Variants in PRKAR2B observed in about 807,000 individuals in gnomAD.
PRKAR2B encodes cAMP-dependent protein kinase type II-beta regulatory subunit.
In PRKAR2B, 14 loss-of-function variants were observed where a neutral mutation model predicts 49.9. The observed-to-expected ratio is 0.28, with a 90% CI of 0.19 to 0.44. The LOEUF (loss-of-function observed/expected upper bound fraction) is 0.44, where lower values mean the gene tolerates loss of function less well. PRKAR2B is among the 20% of genes least tolerant of loss of function. The probability of loss-of-function intolerance (pLI) is 1.00; values close to 1 mark genes in which losing one functional copy is unlikely to be tolerated. For missense variants in PRKAR2B, 393 were observed against 537.9 expected (o/e 0.73, Z 2.67); for synonymous variants, 196 against 197.7 (o/e 0.99, Z 0.07).
chr7:107,082,210 A>C (rs1794527255), intron 2 of PRKAR2B: 1 of 152,078 alleles, frequency 6.6e-6, no homozygotes, highest in Non-Finnish European at 1.5e-5. Flanking sequence ...GGATCTCAAA[A>C]TTTTCTTTTT....
intron 3 of PRKAR2B, among the ~76,000 whole-genome samples, chr7:107,125,621 C>T (rs1045427832): frequency 2.0e-5 from 3 of 152,108 alleles, no homozygotes; most frequent in East Asian, 1.9e-4. Context: ...AGACCACACC[C>T]GCTTTCTGGC....
chr7:107,098,506 C>T (rs909915346), intron 2 of PRKAR2B, among the ~76,000 whole-genome samples: 4 of 152,218 alleles, frequency 2.6e-5, no homozygotes, highest in Non-Finnish European at 4.4e-5. Flanking sequence ...CTGAAGCCGC[C>T]TTCTCTCAAC....
At chr7:107,151,440 G>T (rs1236640093) in intron 7 of PRKAR2B, among the ~76,000 whole-genome samples, 1 of 152,154 alleles carries the variant, frequency 6.6e-6, no homozygotes, top group Non-Finnish European at 1.5e-5. Context: ...TGGCATTCCA[G>T]GCCTCTGTCC....
intron 8 of PRKAR2B, among the ~76,000 whole-genome samples, chr7:107,155,911 G>A (rs1055223103): frequency 6.6e-6 from 1 of 152,160 alleles, no homozygotes; most frequent in African/African-American, 2.4e-5. Flanking sequence ...ATATACCATG[G>A]AGTACTATGC....
rs1794646479 is a variant in PRKAR2B, at chr7:107,087,614, G to A, written c.343+17298G>A. On this transcript the variant is annotated intron_variant, in intron 2 of 10. Coordinates refer to ENST00000265717, the MANE Select transcript of PRKAR2B (RefSeq NM_002736.3). ...AAGTCCTTTCCCAAGCTTACACAGTGACTGATGGGCAGAGACTGGATTCAA... is the reference window on the plus strand; with the variant it reads ...AAGTCCTTTCCCAAGCTTACACAGTAACTGATGGGCAGAGACTGGATTCAA... 2.0e-5 allele frequency among the ~76,000 whole-genome samples: 3 copies of A among 152,132 alleles called. No homozygotes were observed. In the South Asian group the frequency reaches 6.2e-4, roughly 32 times the overall value.
chr7:107,156,745 G>T (rs1295769517), intron 8 of PRKAR2B, among the ~76,000 whole-genome samples: 1 of 151,804 alleles, frequency 6.6e-6, no homozygotes, highest in African/African-American at 2.4e-5. Flanking sequence ...GGTGGAGCTT[G>T]TAGTGAGCCG....
intron 2 of PRKAR2B, among the ~76,000 whole-genome samples, chr7:107,093,967 AAC>A (rs1794786635): frequency 6.6e-6 from 1 of 152,148 alleles, no homozygotes; most frequent in East Asian, 1.9e-4. Context: ...TGCCGCAATA[AAC>A]ATACGTGTGC....
chr7:107,099,190 G>A (rs1794907268), intron 2 of PRKAR2B, among the ~76,000 whole-genome samples: 1 of 152,182 alleles, frequency 6.6e-6, no homozygotes, highest in Non-Finnish European at 1.5e-5. Context: ...AGGCTGCTTT[G>A]TTTACCTACT....
At chr7:107,099,897 G>A (rs1794925814) in intron 2 of PRKAR2B, among the ~76,000 whole-genome samples, 3 of 152,164 alleles carry the variant, frequency 2.0e-5, no homozygotes, top group Non-Finnish European at 4.4e-5. Flanking sequence ...GCCTCCGTAA[G>A]TGTTGGGATT....
chr7:107,082,319 C>T (rs928372046), intron 2 of PRKAR2B, among the ~76,000 whole-genome samples: 1 of 152,048 alleles, frequency 6.6e-6, no homozygotes, highest in African/African-American at 2.4e-5. Flanking sequence ...GATATTGCTT[C>T]TTACTTGCTT....
intron 6 of PRKAR2B, 44 bp from the exon 7 acceptor site, chr7:107,150,877 AG>A (rs1232130754): frequency 6.3e-6 from 6 of 956,812 alleles, no homozygotes; most frequent in Non-Finnish European, 9.6e-6. Context: ...CTATTTGTAT[AG>A]CTTTACCCCC....
rs770684359 is a variant in PRKAR2B at position 107,160,024 on chromosome 7, A to C, written c.*442A>C. The C allele has an allele frequency of 6.5e-6, 1 of 153,678 alleles. No individual in the cohort carries two copies. Among genetic ancestry groups the C allele is most frequent in the Non-Finnish European group, 1.5e-5 (1 of 68,854 alleles). The allele number at this position is 153,678 out of a possible 1,614,324, so 9.5% of individuals were successfully genotyped here. ...ATGGCATCACTTTTTTTTATAACTC[A>C]TTAAACACAGTAAAATTTTAATCAT... is the stretch of plus-strand genomic sequence containing the variant. On this transcript the variant is annotated 3_prime_UTR_variant, in exon 11 of 11. Coordinates refer to ENST00000265717, the MANE Select transcript of PRKAR2B (RefSeq NM_002736.3).
chr7:107,048,655 G>T (rs1317250935), intron 1 of PRKAR2B, among the ~76,000 whole-genome samples: 1 of 152,170 alleles, frequency 6.6e-6, no homozygotes, highest in East Asian at 1.9e-4. Context: ...TCTGGCCAGG[G>T]GTCGGTGATT....
chr7:107,100,130 A>C (rs954828524), intron 2 of PRKAR2B, among the ~76,000 whole-genome samples: 6 of 151,950 alleles, frequency 3.9e-5, no homozygotes, highest in African/African-American at 1.5e-4. Flanking sequence ...GTTACTATCT[A>C]GTATCATTTC....
intron 2 of PRKAR2B, among the ~76,000 whole-genome samples, chr7:107,093,000 C>A (rs983584889): frequency 1.3e-5 from 2 of 152,192 alleles, no homozygotes; most frequent in African/African-American, 4.8e-5. Context: ...TGGCTTCTTT[C>A]ACTTCGTGTA....
intron 1 of PRKAR2B, among the ~76,000 whole-genome samples, chr7:107,063,955 T>G (rs1017500789): frequency 2.6e-5 from 4 of 152,224 alleles, no homozygotes. Context: ...TTTGCATGAA[T>G]CTGACCGTAC....
At chr7:107,145,077 A>G (rs991551862) in intron 5 of PRKAR2B, among the ~76,000 whole-genome samples, 3 of 152,194 alleles carry the variant, frequency 2.0e-5, no homozygotes, top group Non-Finnish European at 1.5e-5. Context: ...CCAAAAAACT[A>G]TAAAAAGACC....
At chr7:107,053,525 AGTGTGTGTGTGTGTGTGTGTGTGTGT>A (rs56855022) in intron 1 of PRKAR2B, among the ~76,000 whole-genome samples, 2 of 141,892 alleles carry the variant, frequency 1.4e-5, no homozygotes, top group Admixed American at 7.1e-5. Context: ...GATTATAAAG[AGTGTGTGTGTGTGTGTGTGTGTGTGT>A]GTGTGTGTGT....
At chr7:107,125,762 G>A (rs1752475012) in intron 3 of PRKAR2B, among the ~76,000 whole-genome samples, 1 of 152,102 alleles carries the variant, frequency 6.6e-6, no homozygotes, top group South Asian at 2.1e-4. Flanking sequence ...CCATAGTGAT[G>A]GAGGTGGGGC....
Sources: gnomAD v4.1 joint callset for allele counts (sites outside exome capture counted in the v4.1 genomes callset) on GRCh38, gnomAD v4.1.1 for gene constraint, MANE v1.5 for transcripts, NCBI Gene and HGNC (gene_info 2026-07-23, HGNC 2026-07-21) for gene names.